Variants in RBFOX3 observed in about 807,000 individuals in gnomAD.
RBFOX3 encodes RNA binding protein fox-1 homolog 3.
A neutral mutation model predicts 48.7 loss-of-function variants in RBFOX3; 17 were observed. That is an observed-to-expected ratio of 0.35 (90% CI 0.24 to 0.52). The LOEUF (loss-of-function observed/expected upper bound fraction) is 0.52, where lower values mean the gene tolerates loss of function less well. Among genes scored for constraint, RBFOX3 ranks in the 20% least tolerant of loss-of-function variants. RBFOX3 has a pLI of 0.94. For missense variants in RBFOX3, 382 were observed against 497.5 expected (o/e 0.77, Z 2.21); for synonymous variants, 212 against 209.5 (o/e 1.01, Z -0.10).
At chr17:79,459,466 G>A (rs542629095) in intron 2 of RBFOX3, among the ~76,000 whole-genome samples, 63 of 152,292 alleles carry the variant, frequency 4.1e-4, no homozygotes, top group African/African-American at 1.5e-3. Flanking sequence ...ACAGTGGGGC[G>A]GATGGCACTG....
At chr17:79,497,719 G>A (rs2081758484) in intron 1 of RBFOX3, among the ~76,000 whole-genome samples, 1 of 152,362 alleles carries the variant, frequency 6.6e-6, no homozygotes, top group Non-Finnish European at 1.5e-5. Context: ...CACAAGGCTG[G>A]TGGTACTGAG....
intron 4 of RBFOX3, among the ~76,000 whole-genome samples, chr17:79,147,421 G>A (rs997278080): frequency 6.6e-6 from 1 of 152,244 alleles, no homozygotes; most frequent in Non-Finnish European, 1.5e-5. Context: ...AGGCTGTAAA[G>A]GCAGTGAGGC....
At position 79,199,667 on chromosome 17, in the gene RBFOX3, CT is replaced by C. The variant is rs1567828933; in HGVS notation, c.-34+36098del. On this transcript the variant is annotated intron_variant, in intron 4 of 14. Coordinates refer to ENST00000693108, the MANE Select transcript of RBFOX3 (RefSeq NM_001350451.2). This position sits in a 1 kb window ranked among gnomAD's most constrained non-coding sequence, Gnocchi z 5.1. ...CTCCAATAAAAGTGAGGCTCAGTCC[CT>C]TTGTTGCATGAGCTTCATTTCCAAG... Among the ~76,000 whole-genome samples the C allele has an allele frequency of 1.3e-5, 2 of 152,204 alleles. No homozygotes were observed. The highest frequency in any genetic ancestry group is 4.1e-4 in the South Asian group (2 of 4,832).
intron 2 of RBFOX3, among the ~76,000 whole-genome samples, chr17:79,412,970 C>G (rs1266101158): frequency 1.3e-5 from 2 of 152,116 alleles, no homozygotes; most frequent in East Asian, 3.9e-4. Flanking sequence ...TTCAACCCTC[C>G]AGCCTCCCTT....
chr17:79,608,552 C>T (rs1294801791), intron 1 of RBFOX3, among the ~76,000 whole-genome samples: 2 of 152,344 alleles, frequency 1.3e-5, no homozygotes, highest in South Asian at 2.1e-4. Context: ...CGCAAACAGC[C>T]CAGCACCAGT....
the RBFOX3 span, among the ~76,000 whole-genome samples, chr17:79,665,457 G>A: frequency 3.9e-5 from 6 of 152,300 alleles, no homozygotes; most frequent in South Asian, 2.1e-4. Context: ...AACCGACGCC[G>A]GGGTCTGAGC....
At chr17:79,659,067 C>A in the RBFOX3 span, among the ~76,000 whole-genome samples, 1 of 152,254 alleles carries the variant, frequency 6.6e-6, no homozygotes, top group African/African-American at 2.4e-5. Flanking sequence ...AGGCTCCTCA[C>A]ATCCCTGAGC....
At chr17:79,590,614 G>GC (rs1411014890) in intron 1 of RBFOX3, among the ~76,000 whole-genome samples, 4 of 152,192 alleles carry the variant, frequency 2.6e-5, no homozygotes, top group Non-Finnish European at 4.4e-5. Context: ...GGACATCCCA[G>GC]CTGGGGCTCC....
intron 4 of RBFOX3, among the ~76,000 whole-genome samples, chr17:79,163,050 C>T (rs995103101): frequency 6.6e-6 from 1 of 152,154 alleles, no homozygotes; most frequent in Non-Finnish European, 1.5e-5. Context: ...GACGGCGGGA[C>T]CAAAACTGTG....
intron 3 of RBFOX3, among the ~76,000 whole-genome samples, chr17:79,281,797 C>G (rs2070595031): frequency 6.6e-6 from 1 of 152,176 alleles, no homozygotes; most frequent in Admixed American, 6.5e-5. Flanking sequence ...GTTTTTTCTT[C>G]TTTGAAAGTA....
intron 2 of RBFOX3, among the ~76,000 whole-genome samples, chr17:79,416,106 C>T (rs908065589): frequency 2.0e-5 from 3 of 152,222 alleles, no homozygotes; most frequent in Non-Finnish European, 2.9e-5. Context: ...CCAGCACCCC[C>T]AGGCAGGGCA....
At chr17:79,280,288 G>A (rs1055775880) in intron 3 of RBFOX3, among the ~76,000 whole-genome samples, 3 of 151,686 alleles carry the variant, frequency 2.0e-5, no homozygotes, top group Non-Finnish European at 4.4e-5. Context: ...ATACGCACAT[G>A]CACACACCAC....
chr17:79,557,912 C>T (rs952853439), intron 1 of RBFOX3, among the ~76,000 whole-genome samples: 9 of 152,132 alleles, frequency 5.9e-5, no homozygotes, highest in Non-Finnish European at 8.8e-5. Context: ...TTTGCTGGGG[C>T]AAGGGGACGG....
At chr17:79,261,039 C>G (rs772857058) in intron 3 of RBFOX3, among the ~76,000 whole-genome samples, 1 of 152,182 alleles carries the variant, frequency 6.6e-6, no homozygotes, top group East Asian at 1.9e-4. Flanking sequence ...CTAGCTGTTC[C>G]TCGCTTGCCT....
chr17:79,627,607 C>T, the RBFOX3 span, among the ~76,000 whole-genome samples: 7 of 152,314 alleles, frequency 4.6e-5, no homozygotes, highest in East Asian at 7.7e-4. Context: ...TCCAAGGATC[C>T]GAGACCCAAG....
At position 79,390,138 on chromosome 17, in the gene RBFOX3, G is replaced by A. The variant is rs2061193285; in HGVS notation, c.-174-82314C>T. Among the ~76,000 whole-genome samples the A allele has an allele frequency of 2.6e-5, 4 of 152,352 alleles. No individual in the cohort carries two copies. In the South Asian group the frequency reaches 8.3e-4, roughly 32 times the overall value. On this transcript the variant is annotated intron_variant, in intron 2 of 14. Coordinates refer to ENST00000693108, the MANE Select transcript of RBFOX3 (RefSeq NM_001350451.2). The surrounding 1 kb of genome is among the most constrained non-coding windows in gnomAD (Gnocchi z 4.2). The stretch of plus-strand genomic sequence containing the variant: ...ACCCGGCCGAGGGGCTGGGTCCACA[G>A]AGGAGGACCAGCAGCAGTGAAGGGC...
chr17:79,653,269 C>T, the RBFOX3 span, among the ~76,000 whole-genome samples: 4 of 152,140 alleles, frequency 2.6e-5, no homozygotes, highest in Non-Finnish European at 2.9e-5. Context: ...GCTGCCTTAA[C>T]AGTAACCTGT....
rs894112648 is a variant in RBFOX3, at chr17:79,198,243, G to A, written c.-34+37523C>T. On this transcript the variant is annotated intron_variant, in intron 4 of 14. Transcript: ENST00000693108. This position sits in a 1 kb window ranked among gnomAD's most constrained non-coding sequence, Gnocchi z 8.2. ...GAAGGGGAAATCATGGGTGACAACC[G>A]CCTCTGGCCAGCCCTCTGCCCTCGC... is the stretch of plus-strand genomic sequence containing the variant. Among the ~76,000 whole-genome samples the A allele has an allele frequency of 1.3e-5, 2 of 152,158 alleles. No individual in the cohort carries two copies. The highest frequency in any genetic ancestry group is 6.5e-5 in the Admixed American group (1 of 15,268).
At chr17:79,532,562 G>A (rs922573711) in intron 1 of RBFOX3, among the ~76,000 whole-genome samples, 4 of 152,190 alleles carry the variant, frequency 2.6e-5, no homozygotes, top group African/African-American at 9.6e-5. Context: ...CGAGATCAGC[G>A]ATGGAGGCCC....
Sources: allele counts gnomAD v4.1 joint callset (sites outside exome capture counted in the v4.1 genomes callset), GRCh38; gene constraint gnomAD v4.1.1; non-coding constraint Gnocchi (gnomAD v3.1); transcripts MANE v1.5; gene names NCBI Gene and HGNC (gene_info 2026-07-23, HGNC 2026-07-21).